Variants in ERI3 observed in about 807,000 individuals in gnomAD.
ERI3 encodes the protein ERI1 exoribonuclease family member 3.
Under a neutral mutation model 44.4 loss-of-function variants are expected in ERI3, and 18 were observed. The ratio of observed to expected loss-of-function variants is 0.41; its 90% confidence interval spans 0.28 to 0.60. The LOEUF (loss-of-function observed/expected upper bound fraction) is 0.60. Among genes scored for constraint, ERI3 ranks in the 20% least tolerant of loss-of-function variants. The pLI is 0.36. For synonymous variants in ERI3, 183 were observed against 164.8 expected (o/e 1.11, Z -0.84); for missense variants, 294 against 435.5 (o/e 0.68, Z 2.89).
intron 3 of ERI3, chr1:44,322,711 G>A: frequency 6.5e-7 from 1 of 1,544,480 alleles, no homozygotes; most frequent in Non-Finnish European, 8.7e-7. Flanking sequence ...GGACCTCACT[G>A]AGGTACTTCT....
chr1:44,313,736 C>A (rs1646022712), intron 4 of ERI3, among the ~76,000 whole-genome samples: 1 of 152,114 alleles, frequency 6.6e-6, no homozygotes, highest in Admixed American at 6.5e-5. Flanking sequence ...CCACACTCTC[C>A]CTAACACCTT....
chr1:44,278,976 T>C (rs1645234685), intron 7 of ERI3, among the ~76,000 whole-genome samples: 1 of 152,238 alleles, frequency 6.6e-6, no homozygotes, highest in Non-Finnish European at 1.5e-5. Context: ...ACTAGCTACA[T>C]TTCAAGTGAT....
At chr1:44,354,612 A>T (rs913736725) in intron 1 of ERI3, 1 of 985,184 alleles carries the variant, frequency 1.0e-6, no homozygotes, top group African/African-American at 1.7e-5. Context: ...GGAATGTTCT[A>T]CCCACAATCT....
chr1:44,330,106 A>T (rs1462338916), intron 3 of ERI3, among the ~76,000 whole-genome samples: 1 of 152,138 alleles, frequency 6.6e-6, no homozygotes, highest in South Asian at 2.1e-4. Flanking sequence ...TTCCATTCCC[A>T]TGGACTCTGG....
At chr1:44,323,102 G>T (rs1056473065) in intron 3 of ERI3, 4 of 424,668 alleles carry the variant, frequency 9.4e-6, no homozygotes, top group African/African-American at 6.1e-5. Flanking sequence ...GTAGCACCAG[G>T]AAGGAAGGAA....
At chr1:44,313,080 A>G (rs1646007883) in intron 5 of ERI3, 89 bp downstream of exon 5, 3 of 1,144,050 alleles carry the variant, frequency 2.6e-6, no homozygotes, top group Non-Finnish European at 4.0e-6. Context: ...AATCATAGTC[A>G]AATTACACGG....
At chr1:44,249,446 C>T (rs915537496) in intron 7 of ERI3, among the ~76,000 whole-genome samples, 1 of 152,172 alleles carries the variant, frequency 6.6e-6, no homozygotes, top group Admixed American at 6.5e-5. Flanking sequence ...TGTGCCAGGG[C>T]CCAGGGCCCA....
chr1:44,235,125 G>A lies in ERI3; in HGVS notation c.931+12814C>T, dbSNP rs1220360107. Among the ~76,000 whole-genome samples the A allele has an allele frequency of 2.0e-5, 3 of 152,122 alleles. No individual in the cohort carries two copies. The highest frequency in any genetic ancestry group is 4.4e-5 in the Non-Finnish European group (3 of 68,024). ...TTCCAGTGGCTCCTCACTGCTCTCA[G>A]GACTGCTCAGCTAATCCCCATTAAG... On this transcript the variant is annotated intron_variant, in intron 8 of 8. Transcript: ENST00000372257. This position sits in a 1 kb window ranked among gnomAD's most constrained non-coding sequence, Gnocchi z 4.6.
intron 3 of ERI3, among the ~76,000 whole-genome samples, chr1:44,330,582 A>G (rs1298178876): frequency 6.6e-6 from 1 of 152,158 alleles, no homozygotes; most frequent in Non-Finnish European, 1.5e-5. Context: ...CAATACATAT[A>G]AACGCTTTTC....
chr1:44,259,904 TAGATAGATAGATAGATAGAC>T (rs1232296290), intron 7 of ERI3, among the ~76,000 whole-genome samples: 3 of 148,906 alleles, frequency 2.0e-5, no homozygotes, highest in South Asian at 2.1e-4. Flanking sequence ...GATAGATAGA[TAGATAGATAGATAGATAGAC>T]AGACAGACAG....
chr1:44,275,205 G>A (rs1203265012), intron 7 of ERI3, among the ~76,000 whole-genome samples: 5 of 152,030 alleles, frequency 3.3e-5, no homozygotes, highest in Non-Finnish European at 5.9e-5. Context: ...CCCCAGTAGA[G>A]GAGCTCTGTG....
intron 6 of ERI3, among the ~76,000 whole-genome samples, chr1:44,299,460 C>T (rs1012717311): frequency 3.9e-5 from 6 of 152,156 alleles, no homozygotes; most frequent in Non-Finnish European, 5.9e-5. Flanking sequence ...CACTGGGATT[C>T]CAGGTGTGGG....
intron 7 of ERI3, among the ~76,000 whole-genome samples, chr1:44,248,873 A>G (rs1423555233): frequency 6.6e-6 from 1 of 151,888 alleles, no homozygotes; most frequent in Non-Finnish European, 1.5e-5. Flanking sequence ...CCAGCACTCC[A>G]TTGCCCCCCC....
chr1:44,260,168 A>G (rs2154319901), intron 7 of ERI3, among the ~76,000 whole-genome samples: 1 of 152,342 alleles, frequency 6.6e-6, no homozygotes, highest in East Asian at 1.9e-4. Context: ...GCGCTCAAAG[A>G]ACTCATAGTC....
chr1:44,289,908 C>T (rs761433407), intron 6 of ERI3, among the ~76,000 whole-genome samples: 11 of 152,254 alleles, frequency 7.2e-5, no homozygotes, highest in Non-Finnish European at 1.2e-4. Flanking sequence ...GCCGGACAGA[C>T]TGGCAGACAG....
intron 7 of ERI3, 76 bp from the exon 8 acceptor site, chr1:44,248,114 A>AC (rs1644593711): frequency 9.0e-6 from 8 of 891,744 alleles, no homozygotes; most frequent in Non-Finnish European, 1.2e-5. Flanking sequence ...TCTTCCCCCC[A>AC]CCCCCCAAAT....
At chr1:44,337,119 G>C (rs1646550309) in intron 3 of ERI3, among the ~76,000 whole-genome samples, 2 of 152,200 alleles carry the variant, frequency 1.3e-5, no homozygotes, top group African/African-American at 4.8e-5. Flanking sequence ...AATATTGGCA[G>C]GACCCTCTGC....
intron 3 of ERI3, among the ~76,000 whole-genome samples, chr1:44,331,130 C>T (rs72891784): frequency 6.6e-6 from 1 of 152,044 alleles, no homozygotes; most frequent in Admixed American, 6.5e-5. Flanking sequence ...GCCCTCCAGT[C>T]GCTTCTGATC....
chr1:44,227,966 GTT>G (rs1026080167), intron 8 of ERI3, among the ~76,000 whole-genome samples: 23 of 152,192 alleles, frequency 1.5e-4, no homozygotes, highest in Admixed American at 1.3e-4. Context: ...AGCTCGGTTA[GTT>G]ATTATTTTTG....
Sources: gnomAD v4.1 joint callset for allele counts (sites outside exome capture counted in the v4.1 genomes callset) on GRCh38, gnomAD v4.1.1 for gene constraint, Gnocchi (gnomAD v3.1) non-coding constraint, MANE v1.5 for transcripts, NCBI Gene and HGNC (gene_info 2026-07-23, HGNC 2026-07-21) for gene names.